Variants in FRMD6 observed in about 807,000 individuals in gnomAD.
The protein encoded by FRMD6 is FERM domain containing 6.
FRMD6 carries 37 observed loss-of-function variants against 73.2 expected under a neutral mutation model. The observed-to-expected ratio is 0.51, with a 90% CI of 0.39 to 0.66. The LOEUF (loss-of-function observed/expected upper bound fraction) is 0.66. Among genes scored for constraint, FRMD6 ranks in the 30% least tolerant of loss-of-function variants. FRMD6 has a pLI of 0.00. For synonymous variants in FRMD6, 273 were observed against 282.2 expected, an observed-to-expected ratio of 0.97 and a Z score of 0.33; for missense variants, 714 against 780.5, an observed-to-expected ratio of 0.91 and a Z score of 1.02.
At chr14:51,500,521 ACAGAGTGAGACT>A (rs1883556271) in intron 1 of FRMD6, among the ~76,000 whole-genome samples, 2 of 147,082 alleles carry the variant, frequency 1.4e-5, no homozygotes, top group Non-Finnish European at 3.0e-5. Context: ...AGCCTGGGCG[ACAGAGTGAGACT>A]CTGTCTCAAA....
chr14:51,556,871 G>A (rs1444306578), intron 1 of FRMD6, among the ~76,000 whole-genome samples: 1 of 152,060 alleles, frequency 6.6e-6, no homozygotes, highest in Non-Finnish European at 1.5e-5. Context: ...TCCAAATCCA[G>A]ATCTAAATCT....
chr14:51,716,602 C>A (rs939832039), intron 10 of FRMD6, among the ~76,000 whole-genome samples: 1 of 152,134 alleles, frequency 6.6e-6, no homozygotes, highest in African/African-American at 2.4e-5. Flanking sequence ...TCTGTCAATC[C>A]AAATGAGACC....
chr14:51,411,701 G>A, the FRMD6 span, among the ~76,000 whole-genome samples: 1 of 152,284 alleles, frequency 6.6e-6, no homozygotes, highest in South Asian at 2.1e-4. Flanking sequence ...TTTTGATTTA[G>A]AACCAGGAGT....
chr14:51,706,842 T>G (rs1380705229), intron 6 of FRMD6, among the ~76,000 whole-genome samples: 2 of 152,180 alleles, frequency 1.3e-5, no homozygotes, highest in Non-Finnish European at 2.9e-5. Context: ...TCATCAGCTC[T>G]TCATATTGAG....
chr14:51,663,055 A>AACCACAGCGAGATACCATCTCAC (rs1893336966), intron 1 of FRMD6, among the ~76,000 whole-genome samples: 3 of 152,246 alleles, frequency 2.0e-5, no homozygotes, highest in Non-Finnish European at 2.9e-5. Flanking sequence ...AGCAAATCAA[A>AACCACAGCGAGATACCATCTCAC]ACCACAGCGA....
rs138426907 is a variant in FRMD6, at chr14:51,516,608, A to G, written c.-210+27188A>G. Among the ~76,000 whole-genome samples the G allele has an allele frequency of 2.2e-3, 341 of 152,348 alleles. 1 individual carries two copies. The highest frequency in any genetic ancestry group is 7.7e-3 in the African/African-American group (322 of 41,568). On this transcript the variant is annotated intron_variant, in intron 1 of 14. Transcript: ENST00000356218. ...ATTCACAACCCTTTAGAGCCCTGTC[A>G]TCTTGAGTATGTAAAAAAATAAGTG...
chr14:51,589,928 C>T (rs908389748), intron 2 of FRMD6, among the ~76,000 whole-genome samples: 9 of 152,142 alleles, frequency 5.9e-5, no homozygotes, highest in African/African-American at 1.7e-4. Context: ...ATTAGTGGGG[C>T]GTGGTGGCAG....
Position 51,720,348 on chromosome 14 carries a change from A to G in FRMD6, c.1318A>G (p.Ser440Gly), listed in dbSNP as rs1469347442. 1 of 1,613,724 alleles carries G rather than the reference A, an allele frequency of 6.2e-7. No homozygotes were observed. ...HGSSHTSGVE[S>G]GGKDRLEEDL... The stretch of plus-strand genomic sequence containing the variant: ...CAGCTCCCACACCTCAGGGGTGGAG[A>G]GTGGCGGCAAAGACCGGCTGGAAGA... The change falls in exon 11 of 14, where the codon AGT becomes GGT. Residue 440 changes from serine to glycine, a missense_variant. By Grantham distance (56) the Ser-to-Gly change is moderately conservative. Coordinates refer to ENST00000344768, the MANE Select transcript of FRMD6 (RefSeq NM_001267046.2).
At chr14:51,645,065 T>C (rs1892003214) in intron 2 of FRMD6, among the ~76,000 whole-genome samples, 2 of 152,190 alleles carry the variant, frequency 1.3e-5, no homozygotes, top group South Asian at 2.1e-4. Context: ...GTATAAGAAG[T>C]CTGTTTAGGC....
At chr14:51,690,204 C>T (rs1895453922) in intron 2 of FRMD6, among the ~76,000 whole-genome samples, 1 of 152,052 alleles carries the variant, frequency 6.6e-6, no homozygotes, top group Admixed American at 6.6e-5. Context: ...AACTTTTGAT[C>T]GAAATATAAC....
At chr14:51,687,916 C>T (rs1381399049) in intron 1 of FRMD6, among the ~76,000 whole-genome samples, 3 of 152,090 alleles carry the variant, frequency 2.0e-5, no homozygotes, top group African/African-American at 7.2e-5. Flanking sequence ...TCCCTTCCTT[C>T]TGCTAAGTAA....
chr14:51,629,319 T>A (rs528418294), intron 2 of FRMD6, among the ~76,000 whole-genome samples: 1 of 152,388 alleles, frequency 6.6e-6, no homozygotes, highest in African/African-American at 2.4e-5. Context: ...TTATGAATAA[T>A]GCTGCTATGA....
At chr14:51,684,855 G>C (rs540629231) in intron 1 of FRMD6, among the ~76,000 whole-genome samples, 189 of 152,316 alleles carry the variant, frequency 1.2e-3, no homozygotes, top group African/African-American at 4.2e-3. Flanking sequence ...TGTCATTGGA[G>C]ATTAAGCAAA....
At chr14:51,657,981 G>C (rs565485894) in intron 1 of FRMD6, among the ~76,000 whole-genome samples, 1 of 152,274 alleles carries the variant, frequency 6.6e-6, no homozygotes, top group South Asian at 2.1e-4. Flanking sequence ...AAGCTGCTCT[G>C]ACTCTCAATC....
chr14:51,566,987 G>A (rs376886121), intron 1 of FRMD6, among the ~76,000 whole-genome samples: 1 of 152,158 alleles, frequency 6.6e-6, no homozygotes, highest in Admixed American at 6.5e-5. Context: ...ATGCCCACAA[G>A]AGCCAGACAG....
chr14:51,527,678 C>G (rs1420327954), intron 1 of FRMD6, among the ~76,000 whole-genome samples: 1 of 152,190 alleles, frequency 6.6e-6, no homozygotes, highest in Non-Finnish European at 1.5e-5. Flanking sequence ...CTCTGTGCAT[C>G]CCATAGGAGC....
At position 51,645,582 on chromosome 14, in the gene FRMD6, G is replaced by A. The variant is rs181952248; in HGVS notation, c.-146-44109G>A. Among the ~76,000 whole-genome samples, 334 of 152,164 alleles carry A rather than the reference G, an allele frequency of 2.2e-3. 1 individual carries two copies. Among genetic ancestry groups the A allele is most frequent in the Non-Finnish European group, 3.8e-3 (255 of 67,980 alleles). On this transcript the variant is annotated intron_variant, in intron 2 of 14. Transcript: ENST00000356218. ...CTGAGGAGTAGCTGGGACCATAGCTGCAAGCCACTCCGCCCAGCTAATTTT... is the reference window on the plus strand; with the variant it reads ...CTGAGGAGTAGCTGGGACCATAGCTACAAGCCACTCCGCCCAGCTAATTTT...
At chr14:51,662,691 C>T (rs1469270504) in intron 1 of FRMD6, among the ~76,000 whole-genome samples, 2 of 152,114 alleles carry the variant, frequency 1.3e-5, no homozygotes, top group African/African-American at 4.8e-5. Context: ...AAACTAAAAA[C>T]CCTGGAAGAC....
intron 2 of FRMD6, among the ~76,000 whole-genome samples, chr14:51,583,918 G>C (rs1425561647): frequency 6.6e-6 from 1 of 152,138 alleles, no homozygotes; most frequent in African/African-American, 2.4e-5. Context: ...AATGAATAAG[G>C]CATGATAGGA....
Sources: gnomAD v4.1 joint callset for allele counts (sites outside exome capture counted in the v4.1 genomes callset) on GRCh38, gnomAD v4.1.1 for gene constraint, MANE v1.5 for transcripts, NCBI Gene and HGNC (gene_info 2026-07-23, HGNC 2026-07-21) for gene names.